PTAFR: variants seen among roughly 807,000 people sequenced by gnomAD.
PTAFR encodes the protein platelet activating factor receptor.
Under a neutral mutation model 14.7 loss-of-function variants are expected in PTAFR, and 8 were observed. The ratio of observed to expected loss-of-function variants is 0.54; its 90% confidence interval spans 0.32 to 0.98. PTAFR has a LOEUF of 0.98. Ranked by LOEUF, PTAFR falls within the 50% of genes least tolerant of loss-of-function variation. The probability of loss-of-function intolerance (pLI) is 0.04; values close to 1 mark genes in which losing one functional copy is unlikely to be tolerated. For missense variants in PTAFR, 337 were observed against 451.2 expected, an observed-to-expected ratio of 0.75 and a Z score of 2.29; for synonymous variants, 156 against 176.5, an observed-to-expected ratio of 0.88 and a Z score of 0.92.
In PTAFR at chr1:28,149,855, C is replaced by G. The variant is rs1319194877; in HGVS notation, c.*138G>C. The G allele has an allele frequency of 5.2e-5, 61 of 1,180,034 alleles. No homozygotes were observed. The highest frequency in any genetic ancestry group is 6.6e-5 in the Non-Finnish European group (56 of 847,522). 73.1% of individuals were successfully genotyped at this position (1,180,034 alleles called of 1,614,324 possible). On this transcript the variant is annotated 3_prime_UTR_variant, in exon 2 of 2. Coordinates refer to ENST00000373857, the MANE Select transcript of PTAFR (RefSeq NM_000952.5). ...GCCTGGCTCTGCCATCATCCCTGCC[C>G]AGGTGAGGTAGCCTCCAAATCTAAT...
upstream of PTAFR, among the ~76,000 whole-genome samples, chr1:28,181,634 C>A (rs138612251): frequency 6.6e-6 from 1 of 151,820 alleles, no homozygotes; most frequent in East Asian, 1.9e-4. Context: ...CTCAGCTACT[C>A]GGGAGGCTGA....
At chr1:28,169,240 A>C (rs1041986227) in intron 1 of PTAFR, among the ~76,000 whole-genome samples, 6 of 152,046 alleles carry the variant, frequency 3.9e-5, no homozygotes, top group Non-Finnish European at 7.4e-5. Flanking sequence ...CTATAAAATA[A>C]ATTTTTCAAA....
chr1:28,160,190 G>A (rs1466597934), intron 1 of PTAFR, among the ~76,000 whole-genome samples: 1 of 150,958 alleles, frequency 6.6e-6, no homozygotes, highest in Non-Finnish European at 1.5e-5. Flanking sequence ...ACTCCAGCCT[G>A]GGCAACAGAG....
intron 1 of PTAFR, among the ~76,000 whole-genome samples, chr1:28,163,287 A>G (rs2148997417): frequency 6.6e-6 from 1 of 152,278 alleles, no homozygotes; most frequent in East Asian, 1.9e-4. Flanking sequence ...CTGATACAGT[A>G]TGTTTTAAGT....
chr1:28,190,938 T>C (rs540937818), intron 1 of PTAFR, among the ~76,000 whole-genome samples: 2 of 152,228 alleles, frequency 1.3e-5, no homozygotes, highest in African/African-American at 4.8e-5. Flanking sequence ...AGCCTCAGAG[T>C]CTTCATCTGT....
intron 1 of PTAFR, among the ~76,000 whole-genome samples, chr1:28,188,809 G>A (rs867225565): frequency 6.6e-6 from 1 of 151,948 alleles, no homozygotes; most frequent in African/African-American, 2.4e-5. Context: ...AGAATTTTCA[G>A]GCATTGCATA....
intron 1 of PTAFR, among the ~76,000 whole-genome samples, chr1:28,189,798 A>G (rs1391279521): frequency 6.8e-6 from 1 of 147,100 alleles, no homozygotes. Flanking sequence ...CCCGAGTAGC[A>G]GAGACTACAG....
chr1:28,186,522 G>T (rs1198307563), intron 1 of PTAFR, among the ~76,000 whole-genome samples: 1 of 152,146 alleles, frequency 6.6e-6, no homozygotes, highest in Non-Finnish European at 1.5e-5. Context: ...AAAGCGCCAA[G>T]AGTAGCTGAG....
At chr1:28,152,915 G>A (rs1180440114) in intron 1 of PTAFR, among the ~76,000 whole-genome samples, 1 of 152,174 alleles carries the variant, frequency 6.6e-6, no homozygotes, top group Non-Finnish European at 1.5e-5. Flanking sequence ...AGGTAGCTTA[G>A]TGGGAAGTTT....
intron 1 of PTAFR, among the ~76,000 whole-genome samples, chr1:28,191,585 A>AC (rs1646652566): frequency 1.5e-5 from 2 of 136,436 alleles, no homozygotes; most frequent in Non-Finnish European, 3.2e-5. Context: ...AGAAAAAAGA[A>AC]AAGAGAGAGA....
intron 1 of PTAFR, among the ~76,000 whole-genome samples, chr1:28,187,872 T>G (rs1023920222): frequency 3.3e-5 from 5 of 152,088 alleles, no homozygotes; most frequent in South Asian, 2.1e-4. Context: ...AACTGTACAT[T>G]AAAAGACACT....
intron 1 of PTAFR, among the ~76,000 whole-genome samples, chr1:28,192,855 C>T (rs1471012397): frequency 1.2e-4 from 18 of 152,186 alleles, no homozygotes; most frequent in South Asian, 2.1e-4. Flanking sequence ...CCATGTTGGC[C>T]GGGCTGGTCT....
intron 1 of PTAFR, among the ~76,000 whole-genome samples, chr1:28,171,334 A>C (rs1006597069): frequency 7.2e-5 from 11 of 152,034 alleles, no homozygotes; most frequent in Non-Finnish European, 1.5e-4. Context: ...AAAAAAAAAA[A>C]AAACTTGACC....
Position 28,153,915 on chromosome 1 carries a change from G to C in PTAFR, c.-38-2856C>G, listed in dbSNP as rs114849854. Among the ~76,000 whole-genome samples, 405 of 151,814 alleles carry C rather than the reference G, an allele frequency of 2.7e-3. 2 individuals are homozygous for C. The highest frequency in any genetic ancestry group is 9.1e-3 in the African/African-American group (379 of 41,434). On this transcript the variant is annotated intron_variant, in intron 1 of 1. Transcript: ENST00000373857. ...AAAAAAGAAAAAAAATTAGCAAGGC[G>C]TGGTGGTGCTTGCCTGTAGTCCTAG...
At chr1:28,190,929 G>A (rs1646647194) in intron 1 of PTAFR, among the ~76,000 whole-genome samples, 1 of 152,178 alleles carries the variant, frequency 6.6e-6, no homozygotes, top group South Asian at 2.1e-4. Context: ...GCCTCCCTGA[G>A]CCTCAGAGTC....
intron 1 of PTAFR, among the ~76,000 whole-genome samples, chr1:28,164,442 C>G (rs1646360189): frequency 6.6e-6 from 1 of 152,156 alleles, no homozygotes; most frequent in Non-Finnish European, 1.5e-5. Context: ...GGCACACTCT[C>G]TTGGATCCAA....
At chr1:28,188,186 C>T (rs1557699650) in intron 1 of PTAFR, among the ~76,000 whole-genome samples, 1 of 152,172 alleles carries the variant, frequency 6.6e-6, no homozygotes, top group Non-Finnish European at 1.5e-5. Context: ...TGGCTCACAC[C>T]TGTAACCCCA....
chr1:28,186,251 C>T (rs1482366587), intron 1 of PTAFR, among the ~76,000 whole-genome samples: 1 of 152,038 alleles, frequency 6.6e-6, no homozygotes, highest in Non-Finnish European at 1.5e-5. Context: ...TCCCAAAGTG[C>T]TGGGATTACA....
intron 1 of PTAFR, among the ~76,000 whole-genome samples, chr1:28,192,136 T>C (rs1438816016): frequency 6.6e-6 from 1 of 151,950 alleles, no homozygotes; most frequent in African/African-American, 2.4e-5. Flanking sequence ...CTCACCTAAG[T>C]TTAAATTCCA....
Sources: allele counts gnomAD v4.1 joint callset (sites outside exome capture counted in the v4.1 genomes callset), GRCh38; gene constraint gnomAD v4.1.1; transcripts MANE v1.5; gene names NCBI Gene and HGNC (gene_info 2026-07-23, HGNC 2026-07-21).